INSYN2B: variants seen among roughly 807,000 people sequenced by gnomAD.
The protein encoded by INSYN2B is protein INSYN2B.
INSYN2B carries 16 observed loss-of-function variants against 41.2 expected under a neutral mutation model. That is an observed-to-expected ratio of 0.39 (90% CI 0.26 to 0.59). The LOEUF is 0.59. Among genes scored for constraint, INSYN2B ranks in the 20% least tolerant of loss-of-function variants. The pLI is 0.57. For synonymous variants in INSYN2B, 245 were observed against 244.4 expected (o/e 1.00, Z -0.02); for missense variants, 608 against 646.4 (o/e 0.94, Z 0.64).
intron 3 of INSYN2B, among the ~76,000 whole-genome samples, chr5:169,866,977 A>G (rs1431279927): frequency 6.6e-6 from 1 of 152,090 alleles, no homozygotes; most frequent in Non-Finnish European, 1.5e-5. Context: ...ACTTCCCCCC[A>G]CTTACAAGTC....
Position 169,864,212 on chromosome 5 carries a change from T to A in INSYN2B, c.*61A>T. Reference sequence around the variant, plus strand: ...GAAGCAGGGCAGGCCTTAAGTGCAGTGGATTTCCCATCTCAGGGAAGTGCG... The same window carrying A: ...GAAGCAGGGCAGGCCTTAAGTGCAGAGGATTTCCCATCTCAGGGAAGTGCG... On this transcript the variant is annotated 3_prime_UTR_variant, in exon 4 of 4. Coordinates refer to ENST00000377365, the MANE Select transcript of INSYN2B (RefSeq NM_001129891.3). The A allele has an allele frequency of 7.1e-7, 1 of 1,416,956 alleles. No homozygotes were observed. Among genetic ancestry groups the A allele is most frequent in the Non-Finnish European group, 9.8e-7 (1 of 1,025,134 alleles). 87.8% of individuals were successfully genotyped at this position (1,416,956 alleles called of 1,614,324 possible).
At chr5:169,899,437 T>C (rs1406738888) in intron 1 of INSYN2B, among the ~76,000 whole-genome samples, 1 of 152,208 alleles carries the variant, frequency 6.6e-6, no homozygotes, top group African/African-American at 2.4e-5. Flanking sequence ...ATAAATAGGA[T>C]GGCAAGTCAG....
chr5:169,881,519 C>T (rs1772645850), intron 2 of INSYN2B, 77 bp from the exon 3 acceptor site: 3 of 1,138,176 alleles, frequency 2.6e-6, no homozygotes, highest in Non-Finnish European at 3.9e-6. Flanking sequence ...CTACTTGTCC[C>T]TTAGTCCCTA....
rs1189920670 is a variant in INSYN2B, at chr5:169,864,016, AGT to A, written c.*255_*256del. Reference sequence around the variant, plus strand: ...TAAAACTCAGCATGAGTTCTGGCTGAGTGTGACAGGGAACTTGGCAAGCGGTC... The same window carrying A: ...TAAAACTCAGCATGAGTTCTGGCTGAGTGACAGGGAACTTGGCAAGCGGTC... On this transcript the variant is annotated 3_prime_UTR_variant, in exon 4 of 4. Transcript: ENST00000377365. 6.6e-6 allele frequency among the ~76,000 whole-genome samples: 1 copy of A among 152,118 alleles called. No homozygotes were observed. The highest frequency in any genetic ancestry group is 2.4e-5 in the African/African-American group (1 of 41,424).
At chr5:169,926,097 A>G (rs1176111333) in intron 1 of INSYN2B, among the ~76,000 whole-genome samples, 2 of 152,124 alleles carry the variant, frequency 1.3e-5, no homozygotes, top group Non-Finnish European at 2.9e-5. Flanking sequence ...CTTAGAGACA[A>G]GTGGGATGCT....
intron 1 of INSYN2B, among the ~76,000 whole-genome samples, chr5:169,934,281 G>A (rs937018420): frequency 2.6e-5 from 4 of 152,148 alleles, no homozygotes; most frequent in Non-Finnish European, 5.9e-5. Flanking sequence ...GTATTTACCC[G>A]GGAAGACTTC....
intron 3 of INSYN2B, among the ~76,000 whole-genome samples, chr5:169,872,079 G>A (rs1258076563): frequency 3.3e-5 from 5 of 152,158 alleles, no homozygotes; most frequent in Admixed American, 6.5e-5. Flanking sequence ...CAAGTTGGCC[G>A]AGAAGTGAAT....
intron 1 of INSYN2B, among the ~76,000 whole-genome samples, chr5:169,964,915 T>C (rs1355711939): frequency 1.3e-5 from 2 of 152,234 alleles, no homozygotes; most frequent in East Asian, 3.8e-4. Context: ...TGAGTCTCCG[T>C]CGCTCATGAC....
intron 1 of INSYN2B, among the ~76,000 whole-genome samples, chr5:169,970,005 A>G (rs183477896): frequency 2.4e-4 from 37 of 152,376 alleles, no homozygotes; most frequent in Admixed American, 1.9e-3. Flanking sequence ...TCTGTGGGCT[A>G]TGTGAGGCCT....
At chr5:169,926,731 ACT>A (rs1775480943) in intron 1 of INSYN2B, among the ~76,000 whole-genome samples, 1 of 152,196 alleles carries the variant, frequency 6.6e-6, no homozygotes, top group Non-Finnish European at 1.5e-5. Context: ...AAGGCTTGTG[ACT>A]CTGTAACTAG....
chr5:169,902,624 A>G (rs1231786089), intron 1 of INSYN2B, among the ~76,000 whole-genome samples: 1 of 152,164 alleles, frequency 6.6e-6, no homozygotes, highest in Non-Finnish European at 1.5e-5. Context: ...GCCATTTGGG[A>G]AGCTGGGTTC....
At chr5:169,965,883 C>T (rs1777278553) in intron 1 of INSYN2B, among the ~76,000 whole-genome samples, 1 of 152,166 alleles carries the variant, frequency 6.6e-6, no homozygotes, top group South Asian at 2.1e-4. Context: ...GGGCTCTCAC[C>T]TTTGACGTGG....
At chr5:169,865,807 A>G (rs1251335415) in intron 3 of INSYN2B, among the ~76,000 whole-genome samples, 3 of 152,216 alleles carry the variant, frequency 2.0e-5, no homozygotes, top group South Asian at 2.1e-4. Flanking sequence ...ATGATGTGGC[A>G]TGACTGGCCA....
intron 1 of INSYN2B, among the ~76,000 whole-genome samples, chr5:169,893,659 G>C (rs917056495): frequency 5.9e-5 from 9 of 151,986 alleles, no homozygotes; most frequent in African/African-American, 2.2e-4. Flanking sequence ...AGAAGTGGGT[G>C]GTCATGTTTC....
In INSYN2B at chr5:169,883,596, G is replaced by A. The variant is rs1338507220; in HGVS notation, c.303C>T (p.Pro101=). The part of the protein sequence containing the change: ...GFRNIAIQTS[P]SLRKHFPVFK... ...AAACTGGGAAATGCTTCCTGAGACT[G>A]GGGGAAGTTTGGATTGCAATGTTGC... is the stretch of plus-strand genomic sequence containing the variant. Residue 101 remains proline (P), a synonymous_variant, in exon 2 of 4, where the codon CCC becomes CCT. Coordinates refer to ENST00000377365, the MANE Select transcript of INSYN2B (RefSeq NM_001129891.3). 6.4e-7 allele frequency: 1 copy of A among 1,551,654 alleles called. No homozygotes were observed. Among genetic ancestry groups the A allele is most frequent in the South Asian group, 1.2e-5 (1 of 84,050 alleles).
At chr5:169,980,175 T>G (rs981744194) in intron 1 of INSYN2B, 102 bp downstream of exon 1, 1 of 152,144 alleles carries the variant, frequency 6.6e-6, no homozygotes, top group Non-Finnish European at 1.5e-5. Flanking sequence ...CACTGTTGAT[T>G]TAAGCCAAAG....
intron 1 of INSYN2B, among the ~76,000 whole-genome samples, chr5:169,914,606 T>C (rs1431391571): frequency 1.3e-5 from 2 of 152,200 alleles, no homozygotes; most frequent in Non-Finnish European, 2.9e-5. Flanking sequence ...ATTGAATTCA[T>C]TGGTAGCATT....
chr5:169,954,128 A>T (rs532716736), intron 1 of INSYN2B, among the ~76,000 whole-genome samples: 2 of 152,210 alleles, frequency 1.3e-5, no homozygotes, highest in Non-Finnish European at 2.9e-5. Flanking sequence ...CCCACATTTC[A>T]CATTAATTAT....
intron 1 of INSYN2B, among the ~76,000 whole-genome samples, chr5:169,908,680 C>T (rs1774422401): frequency 6.6e-6 from 1 of 150,508 alleles, no homozygotes; most frequent in Admixed American, 6.6e-5. Flanking sequence ...CTTCATTTTA[C>T]AGGTTTCAAT....
Sources: gnomAD v4.1 joint callset for allele counts (sites outside exome capture counted in the v4.1 genomes callset) on GRCh38, gnomAD v4.1.1 for gene constraint, MANE v1.5 for transcripts, NCBI Gene and HGNC (gene_info 2026-07-23, HGNC 2026-07-21) for gene names.